CNTNAP2: variants seen among roughly 807,000 people sequenced by gnomAD.
The protein encoded by CNTNAP2 is contactin associated protein 2.
In CNTNAP2, 98 loss-of-function variants were observed where a neutral mutation model predicts 155.2. That is an observed-to-expected ratio of 0.63 (90% CI 0.54 to 0.75). The LOEUF is 0.75. Among genes scored for constraint, CNTNAP2 ranks in the 30% least tolerant of loss-of-function variants. CNTNAP2 has a pLI of 0.00. For missense variants in CNTNAP2, 1,727 were observed against 1,688.1 expected (o/e 1.02, Z -0.40); for synonymous variants, 651 against 631.2 (o/e 1.03, Z -0.47).
intron 14 of CNTNAP2, among the ~76,000 whole-genome samples, chr7:147,952,419 G>T (rs1235657285): frequency 1.3e-5 from 2 of 151,708 alleles, no homozygotes; most frequent in Non-Finnish European, 2.9e-5. Flanking sequence ...TCCAGGCAGG[G>T]CGAGAAGAGT....
At chr7:146,327,686 G>GTAAT (rs1801119826) in intron 1 of CNTNAP2, among the ~76,000 whole-genome samples, 1 of 152,118 alleles carries the variant, frequency 6.6e-6, no homozygotes, top group Admixed American at 6.6e-5. Context: ...AGTGGCTTTT[G>GTAAT]TAATAAAAAG....
intron 1 of CNTNAP2, among the ~76,000 whole-genome samples, chr7:146,493,029 A>G (rs1390059736): frequency 1.3e-5 from 2 of 152,226 alleles, no homozygotes; most frequent in Non-Finnish European, 2.9e-5. Flanking sequence ...GGATAAGTCT[A>G]TAATCCAGGC....
intron 1 of CNTNAP2, among the ~76,000 whole-genome samples, chr7:146,531,800 C>G (rs935666175): frequency 6.6e-6 from 1 of 152,158 alleles, no homozygotes; most frequent in African/African-American, 2.4e-5. Flanking sequence ...CCGCTTCAGC[C>G]TCCCAAAGTG....
At chr7:147,227,450 A>G (rs1793012010) in intron 8 of CNTNAP2, among the ~76,000 whole-genome samples, 1 of 152,196 alleles carries the variant, frequency 6.6e-6, no homozygotes, top group Non-Finnish European at 1.5e-5. Context: ...CACGTTGAAA[A>G]TGGATGATAG....
At chr7:147,575,466 G>A (rs564163985) in intron 12 of CNTNAP2, among the ~76,000 whole-genome samples, 2 of 142,292 alleles carry the variant, frequency 1.4e-5, no homozygotes, top group African/African-American at 2.6e-5. Flanking sequence ...AGCTTTAGGG[G>A]TGTATATATG....
chr7:147,527,921 C>T (rs1391103970), intron 11 of CNTNAP2, among the ~76,000 whole-genome samples: 1 of 152,006 alleles, frequency 6.6e-6, no homozygotes, highest in African/African-American at 2.4e-5. Context: ...GGAAAGCAAA[C>T]AAACAAAAAA....
At chr7:146,873,612 G>A (rs1795360620) in intron 3 of CNTNAP2, among the ~76,000 whole-genome samples, 1 of 152,022 alleles carries the variant, frequency 6.6e-6, no homozygotes, top group Admixed American at 6.6e-5. Flanking sequence ...ATGCAAGTGG[G>A]TCAAGGGAAT....
intron 18 of CNTNAP2, among the ~76,000 whole-genome samples, chr7:148,213,862 G>A (rs541189894): frequency 4.6e-5 from 7 of 152,274 alleles, no homozygotes; most frequent in African/African-American, 7.2e-5. Context: ...CCTTGCTCAC[G>A]GGATCCCCAA....
At chr7:147,386,403 TA>T in intron 9 of CNTNAP2, among the ~76,000 whole-genome samples, 1 of 152,322 alleles carries the variant, frequency 6.6e-6, no homozygotes, top group East Asian at 1.9e-4. Flanking sequence ...CGTTTCCCTT[TA>T]AAAGCTGAAT....
intron 3 of CNTNAP2, among the ~76,000 whole-genome samples, chr7:146,872,162 A>ATT (rs144291754): frequency 3.0e-4 from 33 of 111,496 alleles, no homozygotes; most frequent in African/African-American, 5.4e-4. Context: ...AAATTATTGA[A>ATT]TTTTTTTTTT....
At chr7:147,071,908 G>C (rs1799898990) in intron 4 of CNTNAP2, among the ~76,000 whole-genome samples, 1 of 152,180 alleles carries the variant, frequency 6.6e-6, no homozygotes, top group African/African-American at 2.4e-5. Context: ...AACCAACCAT[G>C]TACTAGGGGC....
At chr7:148,342,232 TAAAG>T (rs1165242853) in intron 21 of CNTNAP2, among the ~76,000 whole-genome samples, 3 of 152,206 alleles carry the variant, frequency 2.0e-5, no homozygotes, top group African/African-American at 7.2e-5. Context: ...TTGTCCTCAA[TAAAG>T]AGTCAGAAAT....
At chr7:148,322,980 C>G (rs1256225173) in intron 21 of CNTNAP2, among the ~76,000 whole-genome samples, 1 of 152,078 alleles carries the variant, frequency 6.6e-6, no homozygotes, top group Non-Finnish European at 1.5e-5. Flanking sequence ...TCTGCCATCT[C>G]TGAGTCTTAT....
At chr7:146,595,810 C>G (rs1305313192) in intron 1 of CNTNAP2, among the ~76,000 whole-genome samples, 1 of 152,034 alleles carries the variant, frequency 6.6e-6, no homozygotes, top group Non-Finnish European at 1.5e-5. Flanking sequence ...TGTTTCTGGA[C>G]AGCTAGGGCT....
At chr7:147,109,895 GTATTTATTTATT>G (rs56065793) in intron 5 of CNTNAP2, among the ~76,000 whole-genome samples, 77 of 148,774 alleles carry the variant, frequency 5.2e-4, no homozygotes, top group Middle Eastern at 7.2e-3. Flanking sequence ...GTTGTTATTT[GTATTTATTTATT>G]TATTTATTTA....
intron 1 of CNTNAP2, among the ~76,000 whole-genome samples, chr7:146,313,923 C>T (rs1017279692): frequency 1.3e-5 from 2 of 152,040 alleles, no homozygotes; most frequent in Admixed American, 6.6e-5. Context: ...CTCTTGAACC[C>T]GTGAAGCGGA....
At chr7:148,381,086 G>C (rs1381581902) in intron 21 of CNTNAP2, among the ~76,000 whole-genome samples, 1 of 152,252 alleles carries the variant, frequency 6.6e-6, no homozygotes, top group African/African-American at 2.4e-5. Flanking sequence ...GCCAGGGTGA[G>C]CGCTTTTGAG....
chr7:147,983,546 G>A (rs1801569378), intron 15 of CNTNAP2, among the ~76,000 whole-genome samples: 1 of 152,106 alleles, frequency 6.6e-6, no homozygotes, highest in Non-Finnish European at 1.5e-5. Flanking sequence ...AGGCTCAAGA[G>A]GTCCTCAGAA....
chr7:146,205,375 A>G (rs1194784632), intron 1 of CNTNAP2, among the ~76,000 whole-genome samples: 1 of 151,972 alleles, frequency 6.6e-6, no homozygotes, highest in Admixed American at 6.6e-5. Context: ...TGAGTCAAAG[A>G]CTATTCTAGA....
Sources: allele counts gnomAD v4.1 joint callset (sites outside exome capture counted in the v4.1 genomes callset), GRCh38; gene constraint gnomAD v4.1.1; transcripts MANE v1.5; gene names NCBI Gene and HGNC (gene_info 2026-07-23, HGNC 2026-07-21).